The following CROCC2 variants were observed in gnomAD, a reference collection of about 807,000 sequenced individuals.
The protein encoded by CROCC2 is ciliary rootlet coiled-coil, rootletin family member 2, also known as ciliary rootlet coiled-coil protein 2.
Under a neutral mutation model 177.6 loss-of-function variants are expected in CROCC2, and 163 were observed. The ratio of observed to expected loss-of-function variants is 0.92; its 90% CI spans 0.81 to 1.05. CROCC2 has a LOEUF of 1.05. CROCC2 is among the 50% of genes least tolerant of loss of function. CROCC2 has a pLI of 0.00. For synonymous variants in CROCC2, 904 were observed against 787.3 expected, an observed-to-expected ratio of 1.15 and a Z score of -2.48; for missense variants, 1,929 against 1,797.8, an observed-to-expected ratio of 1.07 and a Z score of -1.32.
intron 28 of CROCC2, chr2:240,983,550 T>C: frequency 1.6e-6 from 2 of 1,273,200 alleles, no homozygotes; most frequent in Non-Finnish European, 2.0e-6. Context: ...CAGGGGGAGC[T>C]CGCGGCGCTG....
At chr2:240,925,561 C>T (rs570683545) in intron 4 of CROCC2, among the ~76,000 whole-genome samples, 163 bp from the exon 5 acceptor site, 2 of 152,268 alleles carry the variant, frequency 1.3e-5, no homozygotes, top group East Asian at 3.9e-4. Flanking sequence ...CTTTGTGGGG[C>T]CCATGGCAGG....
intron 2 of CROCC2, among the ~76,000 whole-genome samples, chr2:240,919,685 GGCCGCCCACACACTCT>G (rs2059345147): frequency 6.6e-6 from 1 of 152,158 alleles, no homozygotes; most frequent in African/African-American, 2.4e-5. Context: ...CCAGCGTCCA[GGCCGCCCACACACTCT>G]GCTGCCATTG....
Position 240,976,519 on chromosome 2 carries a change from G to A in CROCC2, c.4402-6361G>A, listed in dbSNP as rs56388528. 9.1e-3 allele frequency among the ~76,000 whole-genome samples: 797 copies of A among 87,480 alleles called. 2 individuals carry two copies. Among genetic ancestry groups the A allele is most frequent in the East Asian group, 0.03 (55 of 1,828 alleles). The allele number at this position is 87,480 out of a possible 152,430, so 57.4% of individuals were successfully genotyped here. A position where few individuals can be genotyped will look rare whatever the true frequency, so the allele number is the denominator to read the frequency against. On this transcript the variant is annotated intron_variant, in intron 27 of 31. Coordinates refer to ENST00000690015, the MANE Select transcript of CROCC2 (RefSeq NM_001351305.2). Reference sequence around the variant, plus strand: ...GGCTCATCCCTGCTCAGTCTCTGGGGTAGGAGCCTCAGGAGCCCAGGCTCA... The same window carrying A: ...GGCTCATCCCTGCTCAGTCTCTGGGATAGGAGCCTCAGGAGCCCAGGCTCA...
In CROCC2 at chr2:240,949,831, C is replaced by A; in HGVS notation, c.2652+129C>A. ...ACATAGGCGCCTGGCCAGGGCTGGG[C>A]AAGGACCAGCTCACTCTTTATAGTT... On this transcript the variant is annotated intron_variant, in intron 17 of 31. Coordinates refer to ENST00000690015, the MANE Select transcript of CROCC2 (RefSeq NM_001351305.2). The surrounding 1 kb of genome is among the most constrained non-coding windows in gnomAD (Gnocchi z 4.5). 1 of 940,988 alleles carries A rather than the reference C, an allele frequency of 1.1e-6. No individual in the cohort carries two copies. Among genetic ancestry groups the A allele is most frequent in the African/African-American group, 1.7e-5 (1 of 60,000 alleles). The allele number at this position is 940,988 out of a possible 1,614,324, so 58.3% of individuals were successfully genotyped here. A position where few individuals can be genotyped will look rare whatever the true frequency, so the allele number is the denominator to read the frequency against.
intron 14 of CROCC2, among the ~76,000 whole-genome samples, chr2:240,943,093 G>A (rs974983049): frequency 6.6e-6 from 1 of 151,834 alleles, no homozygotes; most frequent in African/African-American, 2.4e-5. Context: ...CTGCAGCCTC[G>A]ACCTTCTGGG....
chr2:240,992,766 A>G (rs1040596439), intron 31 of CROCC2, among the ~76,000 whole-genome samples: 3 of 152,206 alleles, frequency 2.0e-5, no homozygotes, highest in Non-Finnish European at 4.4e-5. Flanking sequence ...GCTCTGCCAG[A>G]TGGTGGGTGG....
In CROCC2 at chr2:240,917,239, T is replaced by C. The variant is rs1029524406; in HGVS notation, c.79-1487T>C. 1.5e-5 allele frequency among the ~76,000 whole-genome samples: 2 copies of C among 135,634 alleles called. No homozygotes were observed. The highest frequency in any genetic ancestry group is 1.5e-5 in the Non-Finnish European group (1 of 67,708). The allele number at this position is 135,634 out of a possible 152,430, so 89.0% of individuals were successfully genotyped here. ...CCTTTGCAGGGCAGCAGAGTCGGAA[T>C]AGGGCCTCTCCAGGCGCCATGCTGA... On this transcript the variant is annotated intron_variant, in intron 1 of 31. Coordinates refer to ENST00000690015, the MANE Select transcript of CROCC2 (RefSeq NM_001351305.2). This position sits in a 1 kb window ranked among gnomAD's most constrained non-coding sequence, Gnocchi z 4.9.
chr2:240,934,895 G>A, intron 12 of CROCC2, 21 bp from the exon 13 acceptor site: 2 of 1,476,858 alleles, frequency 1.4e-6, no homozygotes, highest in Admixed American at 2.5e-5. Flanking sequence ...TCCCTCCCTG[G>A]CATCCCCCTC....
chr2:240,965,675 G>T lies in CROCC2; in HGVS notation c.3643G>T (p.Ala1215Ser). ...LQRKLAEVEA[A>S]GEAHGQRLQE... ...GAGGAAGTTGGCAGAGGTGGAGGCC[G>T]CAGGGGAGGCCCATGGACAGCGGCT... Residue 1215 changes from alanine to serine, a missense_variant, in exon 24 of 32, where the codon GCA becomes TCA. Coordinates refer to ENST00000690015, the MANE Select transcript of CROCC2 (RefSeq NM_001351305.2). 1 of 1,550,422 alleles carries T rather than the reference G, an allele frequency of 6.4e-7. No individual in the cohort carries two copies. The highest frequency in any genetic ancestry group is 8.7e-7 in the Non-Finnish European group (1 of 1,146,862).
At chr2:240,962,383 C>A (rs2059649002) in intron 20 of CROCC2, among the ~76,000 whole-genome samples, 1 of 152,092 alleles carries the variant, frequency 6.6e-6, no homozygotes, top group Non-Finnish European at 1.5e-5. Context: ...AAAACAGTTT[C>A]TTTTATGATG....
chr2:240,949,623 A>G lies in CROCC2; in HGVS notation c.2573A>G (p.Gln858Arg). 6.4e-7 allele frequency: 1 copy of G among 1,550,430 alleles called. No individual in the cohort carries two copies. The highest frequency in any genetic ancestry group is 8.7e-7 in the Non-Finnish European group (1 of 1,146,944). ...TVRLQRQVAQ[Q>R]EREAQRALES... is the part of the protein sequence containing the mutation. ...CGGCTCCAGCGACAGGTGGCACAGC[A>G]GGAGCGGGAGGCACAGCGGGCCCTG... The change falls in exon 17 of 32, where the codon CAG (glutamine) becomes CGG (arginine). Residue 858 changes from glutamine to arginine, a missense_variant. Gln to Arg is a conservative substitution (Grantham distance 43, BLOSUM62 1). This residue lies in a region of CROCC2 where 1,397 missense variants were observed against 1,239.9 expected (regional missense o/e 1.13). Coordinates refer to ENST00000690015, the MANE Select transcript of CROCC2 (RefSeq NM_001351305.2). The surrounding 1 kb of genome is among the most constrained non-coding windows in gnomAD (Gnocchi z 4.5).
rs2059727033 is a variant in CROCC2, at chr2:240,972,368, C to G, written c.4401+4106C>G. Among the ~76,000 whole-genome samples the G allele has an allele frequency of 1.3e-5, 2 of 151,956 alleles. No individual in the cohort carries two copies. Among genetic ancestry groups the G allele is most frequent in the African/African-American group, 2.4e-5 (1 of 41,342 alleles). On this transcript the variant is annotated intron_variant, in intron 27 of 31. Coordinates refer to ENST00000690015, the MANE Select transcript of CROCC2 (RefSeq NM_001351305.2). This position sits in a 1 kb window ranked among gnomAD's most constrained non-coding sequence, Gnocchi z 7.1. ...TGAAGTGGGCGGGGTGGGAGCGGCG[C>G]TCTCCGGTGCACGGTCACGGTGCGG...
At chr2:240,920,638 C>T (rs1217611044) in intron 3 of CROCC2, among the ~76,000 whole-genome samples, 3 of 152,234 alleles carry the variant, frequency 2.0e-5, no homozygotes, top group East Asian at 1.9e-4. Flanking sequence ...TGGCCGGGGC[C>T]GCTTGGACCT....
Position 240,935,117 on chromosome 2 carries a change from G to A in CROCC2, c.1938+55G>A, listed in dbSNP as rs1420125428. On this transcript the variant is annotated intron_variant, in intron 13 of 31. Coordinates refer to ENST00000690015, the MANE Select transcript of CROCC2 (RefSeq NM_001351305.2). ...GCTGGAACCTGTTTCCCAGGTGGCT[G>A]TGGGTCTCCCAGCCCTAGGCCTTCT... is the stretch of plus-strand genomic sequence containing the variant. The A allele has an allele frequency of 4.5e-6, 6 of 1,329,242 alleles. No homozygotes were observed. The African/African-American group carries it at 9.2e-5, about 20-fold the overall frequency. The allele number at this position is 1,329,242 out of a possible 1,614,324, so 82.3% of individuals were successfully genotyped here. A position where few individuals can be genotyped will look rare whatever the true frequency, so the allele number is the denominator to read the frequency against.
chr2:240,971,178 C>A (rs1421852953), intron 27 of CROCC2, among the ~76,000 whole-genome samples: 1 of 152,228 alleles, frequency 6.6e-6, no homozygotes, highest in Non-Finnish European at 1.5e-5. Context: ...TCTGCCGACA[C>A]CCGAGGGTGT....
chr2:240,932,444 G>A, intron 8 of CROCC2, 30 bp downstream of exon 8: 1 of 717,354 alleles, frequency 1.4e-6, no homozygotes, highest in South Asian at 1.5e-5. Context: ...GTGGCTGTGT[G>A]GCAGGGGTCT....
chr2:240,923,307 C>A (rs2059369317), intron 4 of CROCC2, among the ~76,000 whole-genome samples: 1 of 151,812 alleles, frequency 6.6e-6, no homozygotes, highest in Non-Finnish European at 1.5e-5. Flanking sequence ...GACATTAGGA[C>A]CCTGGCAACA....
At chr2:240,983,249 CA>C in intron 28 of CROCC2, 1 of 898,646 alleles carries the variant, frequency 1.1e-6, no homozygotes, top group African/African-American at 1.7e-5. Flanking sequence ...CACAGGGAGT[CA>C]GGGGGCTGGA....
Position 240,933,133 on chromosome 2 carries a change from G to GCTGTGC in CROCC2, c.1258_1263dup (p.Cys420_Leu421dup). On this transcript the variant is annotated inframe_insertion, in exon 10 of 32. Coordinates refer to ENST00000690015, the MANE Select transcript of CROCC2 (RefSeq NM_001351305.2). Reference sequence around the variant, plus strand: ...CACAACTTACCCCACCCGAGCAGGAGCTGTGCCTGCAGCTGAAGTCCTCCC... The same window carrying GCTGTGC: ...CACAACTTACCCCACCCGAGCAGGAGCTGTGCCTGTGCCTGCAGCTGAAGTCCTCCC... The GCTGTGC allele has an allele frequency of 6.5e-7, 1 of 1,550,174 alleles. No individual in the cohort carries two copies. Among genetic ancestry groups the GCTGTGC allele is most frequent in the Non-Finnish European group, 8.7e-7 (1 of 1,146,896 alleles).
Sources: gnomAD v4.1 joint callset for allele counts (sites outside exome capture counted in the v4.1 genomes callset) on GRCh38, gnomAD v4.1.1 for gene constraint, gnomAD v4.1.1 regional missense constraint, Gnocchi (gnomAD v3.1) non-coding constraint, MANE v1.5 for transcripts, NCBI Gene and HGNC (gene_info 2026-07-23, HGNC 2026-07-21) for gene names.